CADPS2: variants seen among roughly 807,000 people sequenced by gnomAD.
CADPS2 encodes the protein calcium dependent secretion activator 2, also known as calcium-dependent secretion activator 2.
Under a neutral mutation model 172.5 loss-of-function variants are expected in CADPS2, and 93 were observed. The observed-to-expected ratio is 0.54, with a 90% CI of 0.46 to 0.64. CADPS2 has a LOEUF of 0.64. CADPS2 is among the 30% of genes least tolerant of loss of function. The pLI, the probability that CADPS2 is intolerant of heterozygous loss-of-function variation, is 0.00. For missense variants in CADPS2, 1,420 were observed against 1,565.9 expected, an observed-to-expected ratio of 0.91 and a Z score of 1.57; for synonymous variants, 546 against 555.2, an observed-to-expected ratio of 0.98 and a Z score of 0.23.
At chr7:122,690,675 G>T (rs2084230343) in intron 2 of CADPS2, among the ~76,000 whole-genome samples, 1 of 151,922 alleles carries the variant, frequency 6.6e-6, no homozygotes, top group South Asian at 2.1e-4. Flanking sequence ...GCCCTATGTG[G>T]GTTGGTGACT....
intron 1 of CADPS2, among the ~76,000 whole-genome samples, chr7:122,811,793 C>A (rs1392882207): frequency 2.6e-5 from 4 of 152,012 alleles, no homozygotes; most frequent in Non-Finnish European, 5.9e-5. Flanking sequence ...TCTTTGATAT[C>A]CTTCCCAGAT....
intron 7 of CADPS2, among the ~76,000 whole-genome samples, chr7:122,579,568 T>C (rs1422505856): frequency 2.0e-5 from 3 of 150,980 alleles, no homozygotes; most frequent in East Asian, 3.9e-4. Context: ...GAATTACTTA[T>C]AGCATTAGAC....
chr7:122,373,949 A>G (rs938389705), intron 25 of CADPS2, among the ~76,000 whole-genome samples: 36 of 152,284 alleles, frequency 2.4e-4, no homozygotes, highest in African/African-American at 6.7e-4. Context: ...GACAAAAGAT[A>G]CTGCCAGAAA....
Position 122,850,539 on chromosome 7 carries a change from T to A in CADPS2, c.339+35460A>T, listed in dbSNP as rs112435936. ...CTTTTATTGGCAATATCTGTATCTC[T>A]CCCTCTTTTTGGAGGTGCTTAAGCA... On this transcript the variant is annotated intron_variant, in intron 1 of 29. Transcript: ENST00000449022. Among the ~76,000 whole-genome samples, 459 of 152,308 alleles carry A rather than the reference T, an allele frequency of 3.0e-3. 2 individuals carry two copies. Among genetic ancestry groups the A allele is most frequent in the African/African-American group, 0.01 (422 of 41,578 alleles).
intron 2 of CADPS2, among the ~76,000 whole-genome samples, chr7:122,684,757 A>G (rs2083446085): frequency 6.6e-6 from 1 of 152,174 alleles, no homozygotes; most frequent in Non-Finnish European, 1.5e-5. Context: ...GTTCCACAAT[A>G]CTACCAAGAC....
intron 6 of CADPS2, among the ~76,000 whole-genome samples, chr7:122,586,640 C>T (rs1055798540): frequency 6.6e-6 from 1 of 151,878 alleles, no homozygotes; most frequent in African/African-American, 2.4e-5. Flanking sequence ...ACATTTTCAT[C>T]TTATTTCTAT....
rs137972115 is a variant in CADPS2 at position 122,833,038 on chromosome 7, T to A, written c.339+52961A>T. Among the ~76,000 whole-genome samples, 152 of 152,306 alleles carry A rather than the reference T, an allele frequency of 1.0e-3. 6 individuals are homozygous for A. In the East Asian group the frequency reaches 0.028, roughly 28 times the overall value. The stretch of plus-strand genomic sequence containing the variant: ...TATGAAAAATTGTGAGAAACAATCA[T>A]CTAGGGAGGAAAAAAGATAGATTCA... On this transcript the variant is annotated intron_variant, in intron 1 of 29. Transcript: ENST00000449022.
intron 4 of CADPS2, among the ~76,000 whole-genome samples, chr7:122,628,673 C>A (rs2076301507): frequency 6.6e-6 from 1 of 150,700 alleles, no homozygotes. Flanking sequence ...AAAACTCATG[C>A]CTTTTGTCTG....
At chr7:122,551,195 C>T (rs1248983738) in intron 8 of CADPS2, among the ~76,000 whole-genome samples, 1 of 151,986 alleles carries the variant, frequency 6.6e-6, no homozygotes, top group African/African-American at 2.4e-5. Flanking sequence ...TTATTTTAGG[C>T]ATTTTTTTAC....
intron 14 of CADPS2, among the ~76,000 whole-genome samples, chr7:122,455,478 T>C (rs1738088537): frequency 6.6e-6 from 1 of 151,986 alleles, no homozygotes; most frequent in African/African-American, 2.4e-5. Flanking sequence ...TAACATGATA[T>C]ATTTACCTAT....
At chr7:122,393,148 C>T (rs1470747287) in intron 22 of CADPS2, 48 bp downstream of exon 22, 5 of 1,601,742 alleles carry the variant, frequency 3.1e-6, no homozygotes, top group South Asian at 2.2e-5. Flanking sequence ...ACAGCCCAGG[C>T]CATGCACCAG....
intron 25 of CADPS2, among the ~76,000 whole-genome samples, chr7:122,370,244 A>G (rs1025264913): frequency 6.6e-6 from 1 of 152,106 alleles, no homozygotes; most frequent in Non-Finnish European, 1.5e-5. Flanking sequence ...TGTCTCCTCC[A>G]AGGGTTAGCA....
intron 1 of CADPS2, among the ~76,000 whole-genome samples, chr7:122,737,917 A>C (rs1024723623): frequency 6.6e-6 from 1 of 152,160 alleles, no homozygotes; most frequent in African/African-American, 2.4e-5. Context: ...TGCATGCCAA[A>C]ATTTGGATTC....
chr7:122,660,250 T>C (rs1318560040), intron 3 of CADPS2, among the ~76,000 whole-genome samples: 1 of 152,208 alleles, frequency 6.6e-6, no homozygotes, highest in African/African-American at 2.4e-5. Flanking sequence ...GAATTGGATA[T>C]ACTCTATTAT....
chr7:122,723,553 A>G (rs547897450), intron 2 of CADPS2, among the ~76,000 whole-genome samples: 1 of 152,196 alleles, frequency 6.6e-6, no homozygotes, highest in African/African-American at 2.4e-5. Context: ...GATGTGGAGA[A>G]ATAGGAACAC....
intron 6 of CADPS2, among the ~76,000 whole-genome samples, chr7:122,584,734 T>C: frequency 6.6e-6 from 1 of 152,050 alleles, no homozygotes; most frequent in Non-Finnish European, 1.5e-5. Context: ...CCCATAAATT[T>C]AGAAAGTGCT....
chr7:122,503,939 A>G (rs191624981), intron 9 of CADPS2, among the ~76,000 whole-genome samples: 113 of 152,304 alleles, frequency 7.4e-4, no homozygotes, highest in Middle Eastern at 6.8e-3. Flanking sequence ...AAGAGACATT[A>G]AAAGCATTCT....
chr7:122,728,609 G>A (rs66798940), intron 2 of CADPS2, among the ~76,000 whole-genome samples: 1 of 151,726 alleles, frequency 6.6e-6, no homozygotes, highest in Non-Finnish European at 1.5e-5. Flanking sequence ...GTTCTTTACA[G>A]TTTTGGGGGA....
chr7:122,704,355 T>C (rs1401637386), intron 2 of CADPS2, among the ~76,000 whole-genome samples: 1 of 152,024 alleles, frequency 6.6e-6, no homozygotes, highest in Non-Finnish European at 1.5e-5. Context: ...AGGTAGACTT[T>C]TTTTTTTTCA....
Sources: gnomAD v4.1 joint callset for allele counts (sites outside exome capture counted in the v4.1 genomes callset) on GRCh38, gnomAD v4.1.1 for gene constraint, MANE v1.5 for transcripts, NCBI Gene and HGNC (gene_info 2026-07-23, HGNC 2026-07-21) for gene names.